NSF: variants seen among roughly 807,000 people sequenced by gnomAD.
NSF encodes N-ethylmaleimide sensitive factor, vesicle fusing ATPase.
In NSF, 14 loss-of-function variants were observed where a neutral mutation model predicts 50.3. The observed-to-expected ratio is 0.28, with a 90% CI of 0.18 to 0.44. The LOEUF (loss-of-function observed/expected upper bound fraction) is 0.44. NSF is among the 20% of genes least tolerant of loss of function. The probability of loss-of-function intolerance (pLI) is 1.00; values close to 1 mark genes in which losing one functional copy is unlikely to be tolerated. For missense variants in NSF, 218 were observed against 504.3 expected (o/e 0.43, Z 5.44); for synonymous variants, 109 against 175.7 (o/e 0.62, Z 3.00).
intron 17 of NSF, among the ~76,000 whole-genome samples, chr17:46,747,156 A>C (rs1220976629): frequency 6.6e-6 from 1 of 152,246 alleles, no homozygotes; most frequent in African/African-American, 2.4e-5. Context: ...AATGTGAATT[A>C]GCTATCCAGC....
At position 46,746,037 on chromosome 17, in the gene NSF, G is replaced by A. The variant is rs749420329; in HGVS notation, c.1909-3736G>A. On this transcript the variant is annotated intron_variant, in intron 17 of 20. Coordinates refer to ENST00000398238, the MANE Select transcript of NSF (RefSeq NM_006178.4). ...CTCCAGAAAAAGCTTTCTCTGCCAC[G>A]TGTTTCTTCCCTCTACCTGACATCC... Among the ~76,000 whole-genome samples, 5 of 152,062 alleles carry A rather than the reference G, an allele frequency of 3.3e-5. No homozygotes were observed. The East Asian group carries it at 5.8e-4, about 18-fold the overall frequency.
At chr17:46,746,595 T>C (rs1471773058) in intron 17 of NSF, among the ~76,000 whole-genome samples, 1 of 152,068 alleles carries the variant, frequency 6.6e-6, no homozygotes, top group Non-Finnish European at 1.5e-5. Flanking sequence ...GAGTGTGTAT[T>C]ATAAATCTAG....
chr17:46,631,051 T>G (rs1372679650), intron 4 of NSF, among the ~76,000 whole-genome samples: 1 of 117,798 alleles, frequency 8.5e-6, no homozygotes, highest in African/African-American at 4.1e-5. Flanking sequence ...TGGGTCTCTG[T>G]CTCTCTCTGT....
chr17:46,636,057 GT>G (rs143636174), intron 4 of NSF, among the ~76,000 whole-genome samples: 68 of 48,340 alleles, frequency 1.4e-3, no homozygotes, highest in Middle Eastern at 8.5e-3. Flanking sequence ...TAAGAATCAA[GT>G]TTTTTTTTCT....
chr17:46,722,266 G>A, intron 15 of NSF: 4 of 1,014,756 alleles, frequency 3.9e-6, no homozygotes, highest in Non-Finnish European at 6.2e-6. Flanking sequence ...TAATTTTGGG[G>A]GGAGTCTGTA....
intron 1 of NSF, among the ~76,000 whole-genome samples, chr17:46,609,827 CTTTTT>C (rs147645851): frequency 8.1e-6 from 1 of 123,328 alleles, no homozygotes; most frequent in African/African-American, 3.0e-5. Context: ...CTCACTGTTT[CTTTTT>C]TTTTTTTTTT....
chr17:46,598,622 A>G (rs2057885509), intron 1 of NSF, among the ~76,000 whole-genome samples: 1 of 152,180 alleles, frequency 6.6e-6, no homozygotes, highest in Admixed American at 6.5e-5. Flanking sequence ...AAGATGTTAG[A>G]GGTAAAATTT....
At position 46,749,636 on chromosome 17, in the gene NSF, T is replaced by C. The variant is rs1437362675; in HGVS notation, c.1909-137T>C. 3 of 751,986 alleles carry C rather than the reference T, an allele frequency of 4.0e-6. No individual in the cohort carries two copies. The Admixed American group carries it at 9.6e-5, about 24-fold the overall frequency. 46.6% of individuals were successfully genotyped at this position (751,986 alleles called of 1,614,324 possible). On this transcript the variant is annotated intron_variant, in intron 17 of 20. Coordinates refer to ENST00000398238, the MANE Select transcript of NSF (RefSeq NM_006178.4). ...CAGGATTTTCAGGAAAATCCTGAAT[T>C]GTTTTCTTCTGTTTTGCCTAATCAT...
rs546516183 is a variant in NSF at position 46,713,427 on chromosome 17, T to C, written c.1628-426T>C. 9 of 158,018 alleles carry C rather than the reference T, an allele frequency of 5.7e-5. No homozygotes were observed. The East Asian group carries it at 1.3e-3, about 24-fold the overall frequency. 9.8% of individuals were successfully genotyped at this position (158,018 alleles called of 1,614,324 possible). On this transcript the variant is annotated intron_variant, in intron 14 of 20. Coordinates refer to ENST00000398238, the MANE Select transcript of NSF (RefSeq NM_006178.4). ...GTCTTTAGAATTCTAACTTTTTACA[T>C]CACATTTGCTTCTAATAAGGCAGTT...
chr17:46,703,676 G>A (rs1248189828), intron 12 of NSF, among the ~76,000 whole-genome samples: 1 of 92,326 alleles, frequency 1.1e-5, no homozygotes. Context: ...GTGAGACTCC[G>A]TCTCAAAAAA....
intron 17 of NSF, among the ~76,000 whole-genome samples, chr17:46,739,284 T>A (rs2059041910): frequency 6.8e-6 from 1 of 146,182 alleles, no homozygotes; most frequent in African/African-American, 2.6e-5. Context: ...GGCAGGAGAA[T>A]CGCTTGAACC....
chr17:46,745,388 A>G (rs1027136757), intron 17 of NSF, among the ~76,000 whole-genome samples: 2 of 152,262 alleles, frequency 1.3e-5, no homozygotes, highest in South Asian at 2.1e-4. Flanking sequence ...TGCCTGGGTC[A>G]TGACCTCTTT....
At chr17:46,755,692 T>C in intron 20 of NSF, 110 bp from the exon 21 acceptor site, 1 of 1,219,786 alleles carries the variant, frequency 8.2e-7, no homozygotes, top group Non-Finnish European at 1.1e-6. Flanking sequence ...TAGTGGGAAA[T>C]GTAGGATAAC....
chr17:46,697,165 A>T (rs1483788568), intron 12 of NSF, among the ~76,000 whole-genome samples: 1 of 147,630 alleles, frequency 6.8e-6, no homozygotes, highest in Non-Finnish European at 1.5e-5. Context: ...ATAGTACCCC[A>T]GATAGATCTA....
At chr17:46,609,738 G>A (rs2057988586) in intron 1 of NSF, among the ~76,000 whole-genome samples, 1 of 145,968 alleles carries the variant, frequency 6.9e-6, no homozygotes, top group Non-Finnish European at 1.5e-5. Context: ...GTATAGTGTG[G>A]CCTTACGGAT....
chr17:46,742,364 G>T lies in NSF; in HGVS notation c.1909-7409G>T, dbSNP rs541771774. On this transcript the variant is annotated intron_variant, in intron 17 of 20. Transcript: ENST00000398238. The stretch of plus-strand genomic sequence containing the variant: ...AAGGAGTGATCTGCTACCCTTGAAA[G>T]CTATACTGGGATTATCATTCATTCA... Among the ~76,000 whole-genome samples the T allele has an allele frequency of 4.6e-5, 7 of 152,292 alleles. No individual in the cohort carries two copies. The South Asian group carries it at 1.5e-3, about 32-fold the overall frequency.
chr17:46,719,377 T>G lies in NSF; in HGVS notation c.1761+5391T>G, dbSNP rs2058805629. On this transcript the variant is annotated intron_variant, in intron 15 of 20. Transcript: ENST00000398238. This position sits in a 1 kb window ranked among gnomAD's most constrained non-coding sequence, Gnocchi z 4.3. ...GCTTGCTTTAATGAGTACATGAGAT[T>G]TTATTATAATTATACTATTGCCTCT... Among the ~76,000 whole-genome samples, 1 of 152,190 alleles carries G rather than the reference T, an allele frequency of 6.6e-6. No individual in the cohort carries two copies. Among genetic ancestry groups the G allele is most frequent in the Non-Finnish European group, 1.5e-5 (1 of 68,024 alleles).
rs1162352524 is a variant in NSF, at chr17:46,704,812, G to A, written c.1428G>A (p.Thr476=). 40 of 1,609,714 alleles carry A rather than the reference G, an allele frequency of 2.5e-5. No individual in the cohort carries two copies. The East Asian group carries it at 5.8e-4, about 23-fold the overall frequency. The change falls in exon 13 of 21, where the codon ACG becomes ACA. Residue 476 remains threonine (T), a synonymous_variant. Transcript: ENST00000398238. ...AGAAAGCAGAAAGCCTGCAAGTGAC[G>A]AGAGGAGACTTCCTTGCTTCTTTGG... ...DMEKAESLQV[T]RGDFLASLEN...
Position 46,756,040 on chromosome 17 carries a change from C to T in NSF, c.*217C>T. On this transcript the variant is annotated 3_prime_UTR_variant, in exon 21 of 21. Coordinates refer to ENST00000398238, the MANE Select transcript of NSF (RefSeq NM_006178.4). ...GAAGGTGTCAATTTGGTTTAGAATGCTGCGCTTACCTTCCCATGCAGGCTA... is the reference window on the plus strand; with the variant it reads ...GAAGGTGTCAATTTGGTTTAGAATGTTGCGCTTACCTTCCCATGCAGGCTA... 3 of 530,186 alleles carry T rather than the reference C, an allele frequency of 5.7e-6. No homozygotes were observed. The highest frequency in any genetic ancestry group is 1.0e-5 in the Non-Finnish European group (3 of 300,394). The allele number at this position is 530,186 out of a possible 1,614,324, so 32.8% of individuals were successfully genotyped here.
Sources: allele counts gnomAD v4.1 joint callset (sites outside exome capture counted in the v4.1 genomes callset), GRCh38; gene constraint gnomAD v4.1.1; non-coding constraint Gnocchi (gnomAD v3.1); transcripts MANE v1.5; gene names NCBI Gene and HGNC (gene_info 2026-07-23, HGNC 2026-07-21).